The following CORO2B variants were observed in gnomAD, a reference collection of about 807,000 sequenced individuals.
CORO2B encodes the protein coronin-2B.
CORO2B carries 26 observed loss-of-function variants against 58.8 expected under a neutral mutation model. That is an observed-to-expected ratio of 0.44 (90% CI 0.32 to 0.61). CORO2B has a LOEUF of 0.61. CORO2B is among the 20% of genes least tolerant of loss of function. The probability of loss-of-function intolerance (pLI) is 0.04; values close to 1 mark genes in which losing one functional copy is unlikely to be tolerated. For missense variants in CORO2B, 460 were observed against 645.1 expected, an observed-to-expected ratio of 0.71 and a Z score of 3.11; for synonymous variants, 242 against 253.8, an observed-to-expected ratio of 0.95 and a Z score of 0.44.
chr15:68,607,139 G>A (rs1489400197), intron 1 of CORO2B, among the ~76,000 whole-genome samples: 1 of 152,190 alleles, frequency 6.6e-6, no homozygotes, highest in East Asian at 1.9e-4. Flanking sequence ...AGAGGGGATA[G>A]TTTGTCTCTG....
At chr15:68,701,730 C>T (rs1358896485) in intron 3 of CORO2B, among the ~76,000 whole-genome samples, 6 of 151,952 alleles carry the variant, frequency 3.9e-5, no homozygotes, top group Non-Finnish European at 5.9e-5. Flanking sequence ...GTGATCTGCC[C>T]GCCTCGGCCT....
At chr15:68,617,031 G>C (rs1010665385) in intron 1 of CORO2B, among the ~76,000 whole-genome samples, 4 of 152,228 alleles carry the variant, frequency 2.6e-5, no homozygotes, top group African/African-American at 9.6e-5. Flanking sequence ...ATGGAGAGTA[G>C]TAACCCTGGT....
intron 1 of CORO2B, among the ~76,000 whole-genome samples, chr15:68,626,026 A>C (rs1322818795): frequency 6.6e-6 from 1 of 152,138 alleles, no homozygotes; most frequent in African/African-American, 2.4e-5. Context: ...GGGGTAATTT[A>C]ATTGTTTCTA....
At chr15:68,672,159 G>GTGTGTGTGTGTGT in intron 2 of CORO2B, among the ~76,000 whole-genome samples, 1 of 146,288 alleles carries the variant, frequency 6.8e-6, no homozygotes, top group East Asian at 2.0e-4. Context: ...GTAATCGGGA[G>GTGTGTGTGTGTGT]GTGTGTGTGT....
At chr15:68,709,459 GTTTTTTTTT>G (rs57604810) in intron 3 of CORO2B, among the ~76,000 whole-genome samples, 1 of 99,078 alleles carries the variant, frequency 1.0e-5, no homozygotes, top group Admixed American at 1.1e-4. Flanking sequence ...TTTTTTTCGT[GTTTTTTTTT>G]TTTTTTTTTT....
rs375206896 is a variant in CORO2B, at chr15:68,654,876, A to T, written c.216+9516A>T. Among the ~76,000 whole-genome samples, 6 of 152,292 alleles carry T rather than the reference A, an allele frequency of 3.9e-5. No homozygotes were observed. The East Asian group carries it at 7.7e-4, about 20-fold the overall frequency. ...GAGCCTTGTCTTTGGCCTTCCTGCT[A>T]CTGTTGTCTGGCACAGTCCCTGAGT... On this transcript the variant is annotated intron_variant, in intron 2 of 11. Coordinates refer to ENST00000261861, the MANE Select transcript of CORO2B (RefSeq NM_006091.5).
chr15:68,607,485 G>A (rs1900154399), intron 1 of CORO2B, among the ~76,000 whole-genome samples: 1 of 152,146 alleles, frequency 6.6e-6, no homozygotes, highest in Admixed American at 6.5e-5. Flanking sequence ...AGATTCCACT[G>A]GAGAGGACAT....
At chr15:68,690,767 A>T (rs1892339879) in intron 2 of CORO2B, among the ~76,000 whole-genome samples, 1 of 149,212 alleles carries the variant, frequency 6.7e-6, no homozygotes, top group African/African-American at 2.5e-5. Flanking sequence ...CTCCCACCTC[A>T]GCCTCCCAAG....
chr15:68,722,146 C>T (rs961399865), intron 11 of CORO2B, among the ~76,000 whole-genome samples: 1 of 152,158 alleles, frequency 6.6e-6, no homozygotes, highest in African/African-American at 2.4e-5. Flanking sequence ...GGCCTGAGCT[C>T]AGTTCTGGCA....
intron 1 of CORO2B, among the ~76,000 whole-genome samples, chr15:68,595,138 A>G (rs1899795072): frequency 6.6e-6 from 1 of 152,254 alleles, no homozygotes; most frequent in South Asian, 2.1e-4. Context: ...ATTCGAGGCC[A>G]GAGAACTGGC....
Position 68,710,584 on chromosome 15 carries a change from C to T in CORO2B, c.334-148C>T. 1.4e-5 allele frequency: 13 copies of T among 898,302 alleles called. No homozygotes were observed. The South Asian group carries it at 2.8e-4, about 20-fold the overall frequency. 55.6% of individuals were successfully genotyped at this position (898,302 alleles called of 1,614,324 possible). A position where few individuals can be genotyped will look rare whatever the true frequency, so the allele number is the denominator to read the frequency against. On this transcript the variant is annotated intron_variant, in intron 3 of 11. Transcript: ENST00000261861. This position sits in a 1 kb window ranked among gnomAD's most constrained non-coding sequence, Gnocchi z 4.1. ...CACACCCTGAGACCTCCCAGCAGGC[C>T]TCAGTCGAGCTTTGCCCATCGCCTC...
At chr15:68,638,585 A>G (rs985152697) in intron 1 of CORO2B, among the ~76,000 whole-genome samples, 2 of 152,026 alleles carry the variant, frequency 1.3e-5, no homozygotes, top group Non-Finnish European at 2.9e-5. Flanking sequence ...GTATTTATGG[A>G]GCTACTGGGG....
chr15:68,719,045 G>C (rs1481859762), intron 9 of CORO2B, 99 bp from the exon 10 acceptor site: 1 of 1,012,640 alleles, frequency 9.9e-7, no homozygotes, highest in Non-Finnish European at 1.6e-6. Flanking sequence ...CAGGAGAGCA[G>C]GTAGAGTGAC....
the CORO2B span, among the ~76,000 whole-genome samples, chr15:68,544,834 C>T: frequency 0.031 from 4,743 of 151,008 alleles, 270 homozygotes; most frequent in African/African-American, 0.11. Flanking sequence ...TGGAGTGCGA[C>T]GGCACAATCT....
At position 68,710,913 on chromosome 15, in the gene CORO2B, G is replaced by T; in HGVS notation, c.483+32G>T. The T allele has an allele frequency of 6.4e-7, 1 of 1,562,422 alleles. No individual in the cohort carries two copies. The highest frequency in any genetic ancestry group is 8.7e-7 in the Non-Finnish European group (1 of 1,149,554). On this transcript the variant is annotated intron_variant, in intron 4 of 11. Coordinates refer to ENST00000261861, the MANE Select transcript of CORO2B (RefSeq NM_006091.5). This position sits in a 1 kb window ranked among gnomAD's most constrained non-coding sequence, Gnocchi z 4.1. ...AGTGGGCAGGCAGCTGGGTGGAGAG[G>T]GATTGGGGAAGAGAAAGGGGCCTTT...
At chr15:68,524,090 G>GTGGTGCA in the CORO2B span, among the ~76,000 whole-genome samples, 2 of 151,988 alleles carry the variant, frequency 1.3e-5, no homozygotes, top group African/African-American at 4.8e-5. Context: ...GCTGAGTGTG[G>GTGGTGCA]TGGTGCATGC....
At chr15:68,654,788 C>T (rs894427172) in intron 2 of CORO2B, among the ~76,000 whole-genome samples, 1 of 152,234 alleles carries the variant, frequency 6.6e-6, no homozygotes, top group Non-Finnish European at 1.5e-5. Flanking sequence ...ATCTCCAGGC[C>T]ACCCCATCCT....
At chr15:68,594,887 G>A (rs1899789018) in intron 1 of CORO2B, among the ~76,000 whole-genome samples, 1 of 152,182 alleles carries the variant, frequency 6.6e-6, no homozygotes, top group Non-Finnish European at 1.5e-5. Flanking sequence ...CTCAGCCTTG[G>A]TTCTACTCTG....
At chr15:68,579,734 C>T (rs1595949064) in intron 1 of CORO2B, among the ~76,000 whole-genome samples, 1 of 152,196 alleles carries the variant, frequency 6.6e-6, no homozygotes, top group African/African-American at 2.4e-5. Context: ...CAGCCTCTGC[C>T]GCCCATGCCG....
Sources: allele counts gnomAD v4.1 joint callset (sites outside exome capture counted in the v4.1 genomes callset), GRCh38; gene constraint gnomAD v4.1.1; non-coding constraint Gnocchi (gnomAD v3.1); transcripts MANE v1.5; gene names NCBI Gene and HGNC (gene_info 2026-07-23, HGNC 2026-07-21).